RBFOX3: variants seen among roughly 807,000 people sequenced by gnomAD.
RBFOX3 encodes RNA binding protein fox-1 homolog 3.
A neutral mutation model predicts 48.7 loss-of-function variants in RBFOX3; 17 were observed. The ratio of observed to expected loss-of-function variants is 0.35; its 90% confidence interval spans 0.24 to 0.52. RBFOX3 has a LOEUF of 0.52. RBFOX3 is among the 20% of genes least tolerant of loss of function. RBFOX3 has a pLI of 0.94. For synonymous variants in RBFOX3, 212 were observed against 209.5 expected, an observed-to-expected ratio of 1.01 and a Z score of -0.10; for missense variants, 382 against 497.5, an observed-to-expected ratio of 0.77 and a Z score of 2.21.
upstream of RBFOX3, among the ~76,000 whole-genome samples, chr17:79,612,298 G>T (rs980470746): frequency 2.6e-5 from 4 of 152,178 alleles, no homozygotes; most frequent in South Asian, 2.1e-4. Flanking sequence ...GCTCCTGAAG[G>T]CTGCTCCTGG....
the RBFOX3 span, among the ~76,000 whole-genome samples, chr17:79,617,956 G>A: frequency 1.7e-4 from 26 of 152,342 alleles, no homozygotes; most frequent in African/African-American, 6.3e-4. Flanking sequence ...TGCACCTCCA[G>A]GCTTGATATT....
chr17:79,616,045 A>G (rs1219839270), upstream of RBFOX3, among the ~76,000 whole-genome samples: 1 of 152,212 alleles, frequency 6.6e-6, no homozygotes, highest in Non-Finnish European at 1.5e-5. Context: ...CAACTGTAGA[A>G]GGATCGAGGA....
intron 2 of RBFOX3, among the ~76,000 whole-genome samples, chr17:79,427,894 C>T (rs1296629317): frequency 6.6e-6 from 1 of 152,232 alleles, no homozygotes; most frequent in Admixed American, 6.5e-5. Flanking sequence ...GCTTTGTCTC[C>T]CAGCCACTTC....
At chr17:79,504,028 AGGTGGCAGGGTG>A (rs2082733458) in intron 1 of RBFOX3, among the ~76,000 whole-genome samples, 4 of 149,000 alleles carry the variant, frequency 2.7e-5, no homozygotes, top group African/African-American at 5.1e-5. Flanking sequence ...AGGGTGCTCC[AGGTGGCAGGGTG>A]CTCCAGGTGG....
chr17:79,494,477 T>C (rs1225641534), intron 1 of RBFOX3, among the ~76,000 whole-genome samples: 1 of 152,222 alleles, frequency 6.6e-6, no homozygotes, highest in African/African-American at 2.4e-5. Flanking sequence ...ACAAAGCACT[T>C]GGGCCTGGGC....
intron 14 of RBFOX3, chr17:79,092,232 G>A (rs979794697): frequency 4.1e-6 from 4 of 985,418 alleles, no homozygotes; most frequent in African/African-American, 1.7e-5. Flanking sequence ...CTCATAGGGC[G>A]CTACCGCTAC....
At chr17:79,547,276 G>A (rs189003799) in intron 1 of RBFOX3, among the ~76,000 whole-genome samples, 357 of 152,042 alleles carry the variant, frequency 2.3e-3, no homozygotes, top group Non-Finnish European at 4.0e-3. Flanking sequence ...GTGAAACTCC[G>A]TCTCTACTAA....
intron 3 of RBFOX3, chr17:79,298,224 T>A (rs1331190332): frequency 6.6e-6 from 1 of 152,172 alleles, no homozygotes; most frequent in African/African-American, 2.4e-5. Context: ...GGCAGTTTAT[T>A]AAACACCAAA....
intron 4 of RBFOX3, among the ~76,000 whole-genome samples, chr17:79,183,006 T>C (rs1271320130): frequency 1.4e-5 from 2 of 141,280 alleles, no homozygotes; most frequent in African/African-American, 5.3e-5. Flanking sequence ...CTCCCGCGCC[T>C]TCGGAAAAGT....
intron 1 of RBFOX3, chr17:79,600,105 C>G (rs1026842741): frequency 2.0e-5 from 3 of 152,324 alleles, no homozygotes; most frequent in Non-Finnish European, 4.4e-5. Context: ...CTCCCGGCAG[C>G]CTTGCAGAGG....
chr17:79,141,911 C>T (rs1273631376), intron 4 of RBFOX3, among the ~76,000 whole-genome samples: 1 of 152,208 alleles, frequency 6.6e-6, no homozygotes, highest in East Asian at 1.9e-4. Context: ...CTGGCCTCCC[C>T]TACCTGACCT....
intron 4 of RBFOX3, among the ~76,000 whole-genome samples, chr17:79,160,627 G>C (rs904937315): frequency 6.6e-6 from 1 of 152,118 alleles, no homozygotes. Context: ...CTCTGAGAAG[G>C]GACAGCAGGA....
At chr17:79,321,014 C>G (rs2078447354) in intron 2 of RBFOX3, among the ~76,000 whole-genome samples, 1 of 152,264 alleles carries the variant, frequency 6.6e-6, no homozygotes, top group African/African-American at 2.4e-5. Context: ...GAGCCATTCA[C>G]AGAGGCCCAA....
chr17:79,656,806 GAAAAGAAAGAGAAAGAAAGAAAGA>G, the RBFOX3 span, among the ~76,000 whole-genome samples: 1 of 98,000 alleles, frequency 1.0e-5, no homozygotes, highest in Admixed American at 1.0e-4. Context: ...AAGAAAGAAA[GAAAAGAAAGAGAAAGAAAGAAAGA>G]AAAGAAAGAA....
chr17:79,150,063 A>AGGGTGGGGGGGGG lies in RBFOX3; in HGVS notation c.-33-34316_-33-34315insCCCCCCCCCACCC, dbSNP rs1372114656. On this transcript the variant is annotated intron_variant, in intron 4 of 14. Coordinates refer to ENST00000693108, the MANE Select transcript of RBFOX3 (RefSeq NM_001350451.2). ...GGGTGGGGGATGGGGATGGGGGTTG[A>AGGGTGGGGGGGGG]GGGTGGGGGTTTGGGGTGGATCTAG... is the stretch of plus-strand genomic sequence containing the variant. Among the ~76,000 whole-genome samples, 40 of 11,968 alleles carry AGGGTGGGGGGGGG rather than the reference A, an allele frequency of 3.3e-3. 4 individuals are homozygous for AGGGTGGGGGGGGG. The highest frequency in any genetic ancestry group is 5.8e-3 in the Admixed American group (7 of 1,216). The allele number at this position is 11,968 out of a possible 152,430, so 7.9% of individuals were successfully genotyped here. A position where few individuals can be genotyped will look rare whatever the true frequency, so the allele number is the denominator to read the frequency against.
chr17:79,122,087 G>A (rs1350879934), intron 4 of RBFOX3, among the ~76,000 whole-genome samples: 1 of 152,040 alleles, frequency 6.6e-6, no homozygotes, highest in African/African-American at 2.4e-5. Flanking sequence ...CTAATCTGGG[G>A]GTCACCCTTG....
At chr17:79,233,528 A>G (rs1346279412) in intron 4 of RBFOX3, 2 of 152,176 alleles carry the variant, frequency 1.3e-5, no homozygotes, top group Non-Finnish European at 2.9e-5. Flanking sequence ...CTTCAATAAA[A>G]CTATTTAAAA....
chr17:79,160,843 G>A (rs1476976800), intron 4 of RBFOX3, among the ~76,000 whole-genome samples: 1 of 152,096 alleles, frequency 6.6e-6, no homozygotes, highest in East Asian at 1.9e-4. Flanking sequence ...AGCCAGGCAT[G>A]GTGACGCACA....
rs2149399823 is a variant in RBFOX3 at position 79,473,978 on chromosome 17, A to G, written c.-175+8476T>C. Among the ~76,000 whole-genome samples the G allele has an allele frequency of 6.6e-6, 1 of 152,316 alleles. No homozygotes were observed. The highest frequency in any genetic ancestry group is 1.9e-4 in the East Asian group (1 of 5,190). ...GAACACAGATGTCTTTGAAAGCACC[A>G]ATCCTGCAAACACTTTGTATATCCT... On this transcript the variant is annotated intron_variant, in intron 2 of 14. Transcript: ENST00000693108. This position sits in a 1 kb window ranked among gnomAD's most constrained non-coding sequence, Gnocchi z 4.2.
Sources: gnomAD v4.1 joint callset for allele counts (sites outside exome capture counted in the v4.1 genomes callset) on GRCh38, gnomAD v4.1.1 for gene constraint, Gnocchi (gnomAD v3.1) non-coding constraint, MANE v1.5 for transcripts, NCBI Gene and HGNC (gene_info 2026-07-23, HGNC 2026-07-21) for gene names.